The following RNF121 variants were observed in gnomAD, a reference collection of about 807,000 sequenced individuals.
The protein encoded by RNF121 is ring finger protein 121, also known as E3 ubiquitin ligase RNF121.
RNF121 carries 21 observed loss-of-function variants against 46.5 expected under a neutral mutation model. The ratio of observed to expected loss-of-function variants is 0.45; its 90% CI spans 0.32 to 0.65. RNF121 has a LOEUF of 0.65. Among genes scored for constraint, RNF121 ranks in the 30% least tolerant of loss-of-function variants. The pLI is 0.04. For missense variants in RNF121, 346 were observed against 416.0 expected, an observed-to-expected ratio of 0.83 and a Z score of 1.46; for synonymous variants, 139 against 144.7, an observed-to-expected ratio of 0.96 and a Z score of 0.28.
intron 1 of RNF121, among the ~76,000 whole-genome samples, chr11:71,931,830 A>G (rs546769966): frequency 2.0e-4 from 30 of 152,306 alleles, no homozygotes; most frequent in African/African-American, 6.5e-4. Context: ...ATGTGGCATT[A>G]ATATTGCCCC....
chr11:71,945,902 C>T (rs539842700), intron 1 of RNF121, among the ~76,000 whole-genome samples: 3 of 152,146 alleles, frequency 2.0e-5, no homozygotes, highest in African/African-American at 4.8e-5. Context: ...CACTTGAACC[C>T]GGGAGTTCAA....
chr11:71,952,759 C>T (rs757404626), intron 1 of RNF121, among the ~76,000 whole-genome samples: 21 of 151,960 alleles, frequency 1.4e-4, no homozygotes, highest in Non-Finnish European at 2.5e-4. Context: ...AGTGAGCTGA[C>T]ATCGTGCCAC....
chr11:71,955,293 T>C (rs1042681566), intron 1 of RNF121, among the ~76,000 whole-genome samples: 3 of 152,186 alleles, frequency 2.0e-5, no homozygotes, highest in African/African-American at 7.2e-5. Context: ...ATGACTAACA[T>C]AGAACAGTGC....
chr11:71,943,841 T>G (rs555487586), intron 1 of RNF121, among the ~76,000 whole-genome samples: 1 of 150,874 alleles, frequency 6.6e-6, no homozygotes, highest in African/African-American at 2.4e-5. Flanking sequence ...AGGTGGGAGG[T>G]GAGAAAGAGA....
chr11:71,929,152 A>ACTCAAC, intron 1 of RNF121, 28 bp downstream of exon 1: 1 of 1,546,188 alleles, frequency 6.5e-7, no homozygotes, highest in Non-Finnish European at 8.7e-7. Flanking sequence ...ACGAGGAGAG[A>ACTCAAC]CTCAACCTGA....
At chr11:71,996,166 A>C (rs1228632904) in intron 8 of RNF121, 29 bp from the exon 9 acceptor site, 1 of 1,613,124 alleles carries the variant, frequency 6.2e-7, no homozygotes, top group Non-Finnish European at 8.5e-7. Context: ...GCTCTTGCAC[A>C]GAGTCTCTTT....
At chr11:71,987,610 C>T (rs1415653591) in intron 5 of RNF121, among the ~76,000 whole-genome samples, 3 of 152,098 alleles carry the variant, frequency 2.0e-5, no homozygotes, top group Non-Finnish European at 4.4e-5. Flanking sequence ...TTATATATTG[C>T]CTGTGGCTGT....
At chr11:71,995,194 C>G (rs1954950487) in intron 7 of RNF121, 3 of 575,594 alleles carry the variant, frequency 5.2e-6, no homozygotes, top group Non-Finnish European at 9.3e-6. Flanking sequence ...TAATATTTAT[C>G]ATGTATTTAC....
chr11:71,952,623 A>G (rs944831397), intron 1 of RNF121, among the ~76,000 whole-genome samples: 1 of 152,110 alleles, frequency 6.6e-6, no homozygotes, highest in African/African-American at 2.4e-5. Flanking sequence ...AGCCTGGCCA[A>G]CATGGTGAAA....
chr11:71,995,434 G>T lies in RNF121; in HGVS notation c.762-16G>T. 6.4e-7 allele frequency: 1 copy of T among 1,563,400 alleles called. No homozygotes were observed. The highest frequency in any genetic ancestry group is 1.2e-5 in the South Asian group (1 of 85,386). Reference sequence around the variant, plus strand: ...CGCCCTGGCTCTCACCATTTCCCTTGACCAGCGGTGCTCAGCTTCCACGAG... The same window carrying T: ...CGCCCTGGCTCTCACCATTTCCCTTTACCAGCGGTGCTCAGCTTCCACGAG... On this transcript the variant is annotated splice_polypyrimidine_tract_variant and intron_variant, in intron 7 of 8. Transcript: ENST00000361756.
chr11:71,951,665 A>G (rs1590782384), intron 1 of RNF121, among the ~76,000 whole-genome samples: 1 of 152,126 alleles, frequency 6.6e-6, no homozygotes, highest in East Asian at 1.9e-4. Flanking sequence ...AACCATGGAC[A>G]AAGGCTATGA....
chr11:71,959,797 G>A (rs144290848), intron 2 of RNF121, among the ~76,000 whole-genome samples: 3,993 of 151,966 alleles, frequency 0.026, 166 homozygotes, highest in African/African-American at 0.092. Context: ...CACCACACCC[G>A]GCTAATTTTT....
At chr11:71,965,503 C>T (rs748149431) in intron 3 of RNF121, among the ~76,000 whole-genome samples, 1 of 152,084 alleles carries the variant, frequency 6.6e-6, no homozygotes, top group Non-Finnish European at 1.5e-5. Flanking sequence ...ACCTCGGCCT[C>T]CCAAAGTGCT....
intron 1 of RNF121, among the ~76,000 whole-genome samples, chr11:71,950,858 G>T (rs1953859324): frequency 6.6e-6 from 1 of 152,096 alleles, no homozygotes; most frequent in Non-Finnish European, 1.5e-5. Flanking sequence ...GAAGGCCAGA[G>T]TATTATAGCT....
At chr11:71,956,473 A>G (rs936255935) in intron 1 of RNF121, among the ~76,000 whole-genome samples, 10 of 152,218 alleles carry the variant, frequency 6.6e-5, no homozygotes, top group Non-Finnish European at 2.9e-5. Flanking sequence ...CTAAAATATC[A>G]GTAGTGCCAA....
chr11:71,930,893 T>G (rs1180716520), intron 1 of RNF121, among the ~76,000 whole-genome samples: 2 of 152,188 alleles, frequency 1.3e-5, no homozygotes, highest in Non-Finnish European at 2.9e-5. Context: ...AGTGCAGTAT[T>G]GCAATCTCAG....
intron 2 of RNF121, 103 bp from the exon 3 acceptor site, chr11:71,960,646 GA>G: frequency 7.5e-7 from 1 of 1,329,476 alleles, no homozygotes; most frequent in South Asian, 1.4e-5. Flanking sequence ...ATGAAGCAGG[GA>G]ATGTGTTCTG....
In RNF121 at chr11:71,981,054, C is replaced by CT. The variant is rs914037506; in HGVS notation, c.244-1695dup. Among the ~76,000 whole-genome samples the CT allele has an allele frequency of 3.6e-3, 516 of 145,116 alleles. 3 individuals are homozygous for CT. The highest frequency in any genetic ancestry group is 7.1e-3 in the African/African-American group (281 of 39,834). The stretch of plus-strand genomic sequence containing the variant: ...AGAAATCCCTAAGAGTAAATACTTT[C>CT]TTTTTTTTTTTTGAGATGGAGTCTT... On this transcript the variant is annotated intron_variant, in intron 3 of 8. Transcript: ENST00000361756.
intron 2 of RNF121, among the ~76,000 whole-genome samples, chr11:71,960,530 T>G (rs1417452286): frequency 6.6e-6 from 1 of 152,132 alleles, no homozygotes; most frequent in African/African-American, 2.4e-5. Context: ...AATTCCAATA[T>G]CTAGGCTTGG....
Sources: allele counts gnomAD v4.1 joint callset (sites outside exome capture counted in the v4.1 genomes callset), GRCh38; gene constraint gnomAD v4.1.1; transcripts MANE v1.5; gene names NCBI Gene and HGNC (gene_info 2026-07-23, HGNC 2026-07-21).